NRG1: variants seen among roughly 807,000 people sequenced by gnomAD.
NRG1 encodes neuregulin 1, also known as pro-neuregulin-1, membrane-bound isoform.
NRG1 carries 18 observed loss-of-function variants against 63.8 expected under a neutral mutation model. That is an observed-to-expected ratio of 0.28 (90% CI 0.19 to 0.42). The LOEUF is 0.42. Ranked by LOEUF, NRG1 falls within the 10% of genes least tolerant of loss-of-function variation. The pLI is 1.00. For missense variants in NRG1, 762 were observed against 814.7 expected (o/e 0.94, Z 0.79); for synonymous variants, 302 against 301.3 (o/e 1.00, Z -0.02).
chr8:32,257,372 G>T (rs981716998), intron 1 of NRG1, among the ~76,000 whole-genome samples: 3 of 152,090 alleles, frequency 2.0e-5, no homozygotes, highest in African/African-American at 7.2e-5. Flanking sequence ...TGCCCATATG[G>T]TAACCAGTTT....
chr8:32,608,096 T>TTTTG (rs1563756503), intron 3 of NRG1, among the ~76,000 whole-genome samples: 6 of 118,298 alleles, frequency 5.1e-5, no homozygotes, highest in Non-Finnish European at 9.8e-5. Flanking sequence ...TTTTTTGTTT[T>TTTTG]TTTTTTTTTT....
intron 1 of NRG1, among the ~76,000 whole-genome samples, chr8:31,924,687 TA>T (rs1834192440): frequency 6.6e-6 from 1 of 151,696 alleles, no homozygotes; most frequent in Admixed American, 6.6e-5. Context: ...CTTTTTGAAT[TA>T]GAGTATAGAT....
intron 1 of NRG1, among the ~76,000 whole-genome samples, chr8:32,235,126 C>T (rs1847397177): frequency 6.7e-6 from 1 of 149,390 alleles, no homozygotes; most frequent in South Asian, 2.1e-4. Context: ...AAAACAAATG[C>T]CGCACACCTG....
At chr8:32,436,739 T>C (rs1237536816) in intron 1 of NRG1, among the ~76,000 whole-genome samples, 1 of 152,280 alleles carries the variant, frequency 6.6e-6, no homozygotes, top group East Asian at 1.9e-4. Flanking sequence ...TATACAAATA[T>C]TGTATGTTTC....
chr8:32,104,845 A>G (rs1396297725), intron 1 of NRG1, among the ~76,000 whole-genome samples: 8 of 152,058 alleles, frequency 5.3e-5, no homozygotes, highest in South Asian at 2.1e-4. Context: ...GTCATCTCCT[A>G]TAACAATGCC....
intron 5 of NRG1, among the ~76,000 whole-genome samples, chr8:32,718,062 G>A (rs964279549): frequency 1.3e-5 from 2 of 152,050 alleles, no homozygotes; most frequent in Admixed American, 6.6e-5. Flanking sequence ...CATCTTAATG[G>A]GATCCTTTAT....
At chr8:32,626,833 C>T (rs1307767394) in intron 5 of NRG1, among the ~76,000 whole-genome samples, 9 of 151,598 alleles carry the variant, frequency 5.9e-5, no homozygotes, top group South Asian at 4.2e-4. Flanking sequence ...CCAGCCTGGC[C>T]GACATGGTGA....
At chr8:32,302,205 A>G (rs1855652960) in intron 1 of NRG1, among the ~76,000 whole-genome samples, 1 of 152,150 alleles carries the variant, frequency 6.6e-6, no homozygotes, top group Non-Finnish European at 1.5e-5. Flanking sequence ...CTTGAGGTGA[A>G]ATCTGAAAGC....
chr8:32,650,585 T>C (rs573226864), intron 5 of NRG1, among the ~76,000 whole-genome samples: 30 of 150,894 alleles, frequency 2.0e-4, no homozygotes, highest in Non-Finnish European at 4.0e-4. Flanking sequence ...GGCAGCTTTG[T>C]TTTTAGAGAC....
In NRG1 at chr8:32,273,967, T is replaced by G. The variant is rs534817792; in HGVS notation, c.38-321861T>G. ...ATGCATGAAAATTAAGTATTGCTCC[T>G]GCAAAACTGAGGAGTTAATGTCTTT... is the stretch of plus-strand genomic sequence containing the variant. On this transcript the variant is annotated intron_variant, in intron 1 of 10. Coordinates refer to the NRG1 transcript ENST00000519301. Among the ~76,000 whole-genome samples, 3 of 152,300 alleles carry G rather than the reference T, an allele frequency of 2.0e-5. No homozygotes were observed. The South Asian group carries it at 6.2e-4, about 32-fold the overall frequency.
intron 1 of NRG1, among the ~76,000 whole-genome samples, chr8:31,959,055 A>C (rs1804967224): frequency 6.6e-6 from 1 of 152,228 alleles, no homozygotes; most frequent in Admixed American, 6.5e-5. Flanking sequence ...TCTCTCTGAT[A>C]GCATTATGAT....
chr8:32,626,551 T>G (rs1418346280), intron 5 of NRG1, among the ~76,000 whole-genome samples: 2 of 151,720 alleles, frequency 1.3e-5, no homozygotes, highest in African/African-American at 2.4e-5. Context: ...ATGGTGGCGG[T>G]TGCCTGTAGT....
At chr8:32,373,257 C>T (rs1284271199) in intron 1 of NRG1, among the ~76,000 whole-genome samples, 1 of 151,928 alleles carries the variant, frequency 6.6e-6, no homozygotes, top group African/African-American at 2.4e-5. Context: ...TAAAATACAC[C>T]CATATGGCAA....
intron 1 of NRG1, among the ~76,000 whole-genome samples, chr8:32,105,912 T>G (rs551352064): frequency 6.6e-6 from 1 of 152,314 alleles, no homozygotes; most frequent in South Asian, 2.1e-4. Context: ...CTTCTATTTC[T>G]GTTCCACCCA....
At chr8:32,759,256 T>C (rs758938897) in intron 9 of NRG1, 50 bp from the exon 10 acceptor site, 8 of 1,586,498 alleles carry the variant, frequency 5.0e-6, no homozygotes, top group African/African-American at 1.3e-5. Context: ...AGTGCTTTGA[T>C]TGACATGAAT....
intron 1 of NRG1, among the ~76,000 whole-genome samples, chr8:31,988,386 C>T (rs957333321): frequency 6.6e-6 from 1 of 152,072 alleles, no homozygotes; most frequent in African/African-American, 2.4e-5. Context: ...TTCCTGAATA[C>T]ACCGCTCATG....
chr8:32,061,730 A>C (rs1823900526), intron 1 of NRG1: 1 of 152,020 alleles, frequency 6.6e-6, no homozygotes, highest in Non-Finnish European at 1.5e-5. Flanking sequence ...TGCCCACAAC[A>C]AGGCTAGTGA....
chr8:32,146,410 T>A (rs1012551041), intron 1 of NRG1, among the ~76,000 whole-genome samples: 2 of 152,198 alleles, frequency 1.3e-5, no homozygotes, highest in Non-Finnish European at 2.9e-5. Context: ...TTTCAAGGTA[T>A]GTTATGATAC....
chr8:32,118,556 G>A (rs1050987866), intron 1 of NRG1, among the ~76,000 whole-genome samples: 2 of 152,076 alleles, frequency 1.3e-5, no homozygotes, highest in African/African-American at 4.8e-5. Flanking sequence ...TTCTTTTATA[G>A]CAATACAAAT....
Sources: gnomAD v4.1 joint callset for allele counts (sites outside exome capture counted in the v4.1 genomes callset) on GRCh38, gnomAD v4.1.1 for gene constraint, MANE v1.5 for transcripts, NCBI Gene and HGNC (gene_info 2026-07-23, HGNC 2026-07-21) for gene names.